FARP1: variants seen among roughly 807,000 people sequenced by gnomAD.
FARP1 encodes the protein FERM, ARH/RhoGEF and pleckstrin domain protein 1.
Under a neutral mutation model 128.8 loss-of-function variants are expected in FARP1, and 52 were observed. The observed-to-expected ratio is 0.40, with a 90% CI of 0.32 to 0.51. The LOEUF is 0.51. Ranked by LOEUF, FARP1 falls within the 20% of genes least tolerant of loss-of-function variation. The pLI is 0.45. For missense variants in FARP1, 1,333 were observed against 1,367.9 expected (o/e 0.97, Z 0.40); for synonymous variants, 580 against 551.8 (o/e 1.05, Z -0.72).
chr13:98,254,806 A>C (rs1321706800), intron 2 of FARP1, among the ~76,000 whole-genome samples: 4 of 152,220 alleles, frequency 2.6e-5, no homozygotes, highest in Non-Finnish European at 5.9e-5. Context: ...ATGTTAGTAT[A>C]ACCAATGGCA....
At chr13:98,315,805 A>G (rs1478133778) in intron 2 of FARP1, among the ~76,000 whole-genome samples, 1 of 152,212 alleles carries the variant, frequency 6.6e-6, no homozygotes, top group Non-Finnish European at 1.5e-5. Context: ...CAGCAGTAAG[A>G]GCAGTCGGGC....
At chr13:98,295,086 CACACACACACACACACACATAT>C (rs1271321775) in intron 2 of FARP1, among the ~76,000 whole-genome samples, 954 of 78,832 alleles carry the variant, frequency 0.012, 31 homozygotes, top group Middle Eastern at 0.032. Context: ...CACACACACA[CACACACACACACACACACATAT>C]ATCCCCAGGC....
At chr13:98,413,726 C>T (rs1482743565) in intron 16 of FARP1, among the ~76,000 whole-genome samples, 2 of 152,304 alleles carry the variant, frequency 1.3e-5, no homozygotes, top group Non-Finnish European at 1.5e-5. Flanking sequence ...GAACCTTTCA[C>T]GTGTGTTCTG....
At chr13:98,147,563 T>C (rs1040760643) in intron 1 of FARP1, among the ~76,000 whole-genome samples, 1 of 152,082 alleles carries the variant, frequency 6.6e-6, no homozygotes, top group Non-Finnish European at 1.5e-5. Flanking sequence ...AAATTTATTA[T>C]CAATTAGAAG....
At chr13:98,419,642 C>G (rs763977869) in intron 16 of FARP1, among the ~76,000 whole-genome samples, 1 of 152,182 alleles carries the variant, frequency 6.6e-6, no homozygotes, top group Non-Finnish European at 1.5e-5. Flanking sequence ...TACATAGACA[C>G]ACAAACATAC....
chr13:98,439,002 C>T, intron 20 of FARP1, 105 bp from the exon 21 acceptor site: 1 of 1,389,616 alleles, frequency 7.2e-7, no homozygotes, highest in East Asian at 2.3e-5. Flanking sequence ...GTGCCCAGGC[C>T]CAAGTTGTTG....
chr13:98,146,056 T>C (rs1332919073), intron 1 of FARP1, among the ~76,000 whole-genome samples: 1 of 152,126 alleles, frequency 6.6e-6, no homozygotes. Context: ...ATGAGGAGGA[T>C]GCTTGTGATA....
chr13:98,177,189 C>T (rs368501437), intron 1 of FARP1: 10 of 1,591,582 alleles, frequency 6.3e-6, no homozygotes, highest in Middle Eastern at 2.1e-4. Flanking sequence ...AGGTGCATAC[C>T]TGGTCTGCTT....
chr13:98,357,831 T>A (rs1403295384), intron 3 of FARP1, among the ~76,000 whole-genome samples: 1 of 152,184 alleles, frequency 6.6e-6, no homozygotes, highest in Non-Finnish European at 1.5e-5. Flanking sequence ...TTTATTGAAT[T>A]TGTTCTGGGA....
chr13:98,364,945 G>C (rs952781162), intron 3 of FARP1, among the ~76,000 whole-genome samples: 1 of 152,210 alleles, frequency 6.6e-6, no homozygotes, highest in African/African-American at 2.4e-5. Context: ...GCATGGTGCA[G>C]AGGTGGTGTT....
chr13:98,252,099 C>T (rs190930629), intron 2 of FARP1, among the ~76,000 whole-genome samples: 79 of 152,292 alleles, frequency 5.2e-4, no homozygotes, highest in African/African-American at 1.9e-3. Context: ...CTGCCCTCTT[C>T]GGCCTCCCAA....
intron 2 of FARP1, among the ~76,000 whole-genome samples, chr13:98,223,003 C>T (rs1345187612): frequency 3.3e-5 from 5 of 152,028 alleles, no homozygotes; most frequent in African/African-American, 9.7e-5. Context: ...AGCCCAGTGA[C>T]CAGGGTTTTG....
At chr13:98,223,323 C>A (rs553061968) in intron 2 of FARP1, among the ~76,000 whole-genome samples, 1 of 152,248 alleles carries the variant, frequency 6.6e-6, no homozygotes, top group East Asian at 1.9e-4. Flanking sequence ...GAAGGCATTT[C>A]TTTTTGTTTG....
At position 98,372,283 on chromosome 13, in the gene FARP1, C is replaced by T. The variant is rs189314543; in HGVS notation, c.398+4088C>T. Among the ~76,000 whole-genome samples, 887 of 152,132 alleles carry T rather than the reference C, an allele frequency of 5.8e-3. 4 individuals are homozygous for T. Among genetic ancestry groups the T allele is most frequent in the African/African-American group, 0.017 (694 of 41,502 alleles). ...TGTATTTTTAGTAGAGACGGGGTTT[C>T]ACCATATTGGCCAGGCTGGTCTCGA... is the stretch of plus-strand genomic sequence containing the variant. On this transcript the variant is annotated intron_variant, in intron 5 of 26. Transcript: ENST00000319562.
intron 2 of FARP1, among the ~76,000 whole-genome samples, chr13:98,303,549 A>G (rs1370988206): frequency 6.6e-6 from 1 of 152,182 alleles, no homozygotes; most frequent in Non-Finnish European, 1.5e-5. Context: ...TGCTGTTAAG[A>G]GTTGGAACTT....
chr13:98,298,992 G>A (rs1885813895), intron 2 of FARP1, among the ~76,000 whole-genome samples: 1 of 152,230 alleles, frequency 6.6e-6, no homozygotes. Context: ...GGCACGTGCT[G>A]CTAAGATGCT....
intron 2 of FARP1, among the ~76,000 whole-genome samples, chr13:98,319,483 G>T (rs1304223554): frequency 6.6e-6 from 1 of 152,224 alleles, no homozygotes; most frequent in South Asian, 2.1e-4. Flanking sequence ...AGCCAGGCGT[G>T]GTAGCAGGCA....
intron 2 of FARP1, among the ~76,000 whole-genome samples, chr13:98,339,946 G>A (rs1285097211): frequency 1.3e-5 from 2 of 152,008 alleles, no homozygotes; most frequent in Admixed American, 1.3e-4. Flanking sequence ...CCCTCATATT[G>A]TATGCACTCC....
At chr13:98,305,579 C>T (rs1460138960) in intron 2 of FARP1, among the ~76,000 whole-genome samples, 1 of 152,210 alleles carries the variant, frequency 6.6e-6, no homozygotes, top group Non-Finnish European at 1.5e-5. Flanking sequence ...GGTAATCCGC[C>T]CATCTCGGCC....
Sources: gnomAD v4.1 joint callset for allele counts (sites outside exome capture counted in the v4.1 genomes callset) on GRCh38, gnomAD v4.1.1 for gene constraint, MANE v1.5 for transcripts, NCBI Gene and HGNC (gene_info 2026-07-23, HGNC 2026-07-21) for gene names.